METTL15: variants seen among roughly 807,000 people sequenced by gnomAD.
The protein encoded by METTL15 is 12S rRNA N(4)-cytidine methyltransferase METTL15.
Under a neutral mutation model 38.3 loss-of-function variants are expected in METTL15, and 34 were observed. That is an observed-to-expected ratio of 0.89 (90% confidence interval 0.68 to 1.18). The LOEUF (loss-of-function observed/expected upper bound fraction) is 1.18, where lower values mean the gene tolerates loss of function less well. METTL15 is among the 50% of genes most tolerant of loss of function. The pLI is 0.00. For synonymous variants in METTL15, 162 were observed against 170.9 expected (o/e 0.95, Z 0.41); for missense variants, 438 against 498.4 (o/e 0.88, Z 1.15).
At chr11:28,286,550 A>G (rs1312817287) in intron 4 of METTL15, among the ~76,000 whole-genome samples, 2 of 152,130 alleles carry the variant, frequency 1.3e-5, no homozygotes, top group Admixed American at 6.6e-5. Context: ...TAGGTTTTCA[A>G]CTTGCTTGAC....
chr11:28,453,481 T>TA (rs897471916), intron 6 of METTL15, among the ~76,000 whole-genome samples: 17 of 152,324 alleles, frequency 1.1e-4, no homozygotes, highest in African/African-American at 3.1e-4. Context: ...GATAATGTGT[T>TA]AAAAAAATCT....
chr11:28,342,170 C>T (rs887358814), intron 3 of METTL15, among the ~76,000 whole-genome samples: 2 of 152,202 alleles, frequency 1.3e-5, no homozygotes, highest in Non-Finnish European at 2.9e-5. Context: ...TCACATTCTT[C>T]ATCCCAGTTG....
intron 5 of METTL15, among the ~76,000 whole-genome samples, chr11:28,367,674 C>G (rs565532246): frequency 3.9e-4 from 59 of 152,240 alleles, no homozygotes; most frequent in African/African-American, 1.2e-3. Context: ...AAGTTGGAGG[C>G]ATCGTGCTAC....
intron 5 of METTL15, among the ~76,000 whole-genome samples, chr11:28,391,257 C>G (rs1404083122): frequency 1.3e-5 from 2 of 152,200 alleles, no homozygotes; most frequent in South Asian, 2.1e-4. Context: ...CCAGAACTTC[C>G]CACACTATAT....
chr11:28,475,592 A>G (rs1482057075), intron 6 of METTL15, among the ~76,000 whole-genome samples: 3 of 152,174 alleles, frequency 2.0e-5, no homozygotes, highest in Admixed American at 1.3e-4. Context: ...TACAGGGTGT[A>G]TTCACTCTTC....
At chr11:28,114,731 T>C (rs987310908) in intron 3 of METTL15, among the ~76,000 whole-genome samples, 1 of 152,106 alleles carries the variant, frequency 6.6e-6, no homozygotes, top group Non-Finnish European at 1.5e-5. Flanking sequence ...GATTACAGGC[T>C]TGAGCCACCA....
intron 6 of METTL15, among the ~76,000 whole-genome samples, chr11:28,495,290 G>A (rs533791462): frequency 1.9e-4 from 29 of 152,280 alleles, no homozygotes; most frequent in African/African-American, 6.7e-4. Flanking sequence ...TGCAAAAGAG[G>A]CAACAACTCA....
At chr11:28,500,008 ATTT>A (rs11325215) in intron 6 of METTL15, among the ~76,000 whole-genome samples, 2 of 145,066 alleles carry the variant, frequency 1.4e-5, no homozygotes, top group African/African-American at 2.5e-5. Context: ...TGGAATTGCT[ATTT>A]TTTTTTTTTT....
At chr11:28,433,548 C>T (rs1451934380) in intron 6 of METTL15, among the ~76,000 whole-genome samples, 2 of 152,024 alleles carry the variant, frequency 1.3e-5, no homozygotes, top group Non-Finnish European at 2.9e-5. Context: ...GTAAACAAGA[C>T]AATTAATGAA....
Position 28,296,901 on chromosome 11 carries a change from A to G in METTL15, c.748A>G (p.Arg250Gly), listed in dbSNP as rs1422794664. 2 of 1,613,566 alleles carry G rather than the reference A, an allele frequency of 1.2e-6. No homozygotes were observed. Among genetic ancestry groups the G allele is most frequent in the Admixed American group, 1.7e-5 (1 of 59,906 alleles). ...VQARSIYPIT[R>G]TQQLASIVAG... is the part of the protein sequence containing the mutation. Reference sequence around the variant, plus strand: ...GGCACGCAGCATCTACCCCATCACCAGAACCCAGCAGCTTGCCAGCATCGT... The same window carrying G: ...GGCACGCAGCATCTACCCCATCACCGGAACCCAGCAGCTTGCCAGCATCGT... Residue 250 changes from arginine to glycine, a missense_variant, in exon 6 of 7, where the codon AGA (arginine) becomes GGA (glycine). Arg to Gly is a moderately radical substitution (Grantham distance 125, BLOSUM62 -2). Coordinates refer to ENST00000407364, the MANE Select transcript of METTL15 (RefSeq NM_001113528.2).
At chr11:28,472,426 C>T (rs946162386) in intron 6 of METTL15, among the ~76,000 whole-genome samples, 1 of 152,112 alleles carries the variant, frequency 6.6e-6, no homozygotes, top group Admixed American at 6.6e-5. Context: ...GGGCATGCTG[C>T]ATCAGGTATT....
intron 4 of METTL15, among the ~76,000 whole-genome samples, chr11:28,288,587 G>A (rs569398442): frequency 3.3e-5 from 5 of 152,142 alleles, no homozygotes; most frequent in South Asian, 2.1e-4. Flanking sequence ...CCACATGCTC[G>A]TGGTTATAAG....
intron 3 of METTL15, among the ~76,000 whole-genome samples, chr11:28,129,735 T>G (rs540096973): frequency 6.6e-6 from 1 of 152,298 alleles, no homozygotes; most frequent in South Asian, 2.1e-4. Flanking sequence ...TTAAATATGC[T>G]ATAAAAGAAC....
chr11:28,218,827 TTG>T (rs1281616260), intron 4 of METTL15, among the ~76,000 whole-genome samples: 5 of 152,180 alleles, frequency 3.3e-5, no homozygotes, highest in Non-Finnish European at 7.3e-5. Context: ...CATGTGGTTT[TTG>T]TCGTTGGTTC....
At chr11:28,264,888 G>C (rs1855350398) in intron 4 of METTL15, among the ~76,000 whole-genome samples, 1 of 152,132 alleles carries the variant, frequency 6.6e-6, no homozygotes, top group Admixed American at 6.5e-5. Context: ...AATGCTGACT[G>C]TAGAAAGATA....
chr11:28,318,238 C>T (rs770168725), intron 6 of METTL15, among the ~76,000 whole-genome samples: 9 of 152,112 alleles, frequency 5.9e-5, no homozygotes, highest in Non-Finnish European at 8.8e-5. Flanking sequence ...TTTTCTTTGC[C>T]ACCTGCTGTG....
rs184414636 is a variant in METTL15 at position 28,191,682 on chromosome 11, G to A, written c.271-19380G>A. On this transcript the variant is annotated intron_variant, in intron 3 of 6. Transcript: ENST00000407364. ...TATTATGGATGAGTTCTTTTGGCAC[G>A]GAAATATTTTAAGAAGTAACCAAAA... Among the ~76,000 whole-genome samples, 21 of 151,424 alleles carry A rather than the reference G, an allele frequency of 1.4e-4. 1 individual carries two copies. The Middle Eastern group carries it at 0.01, about 74-fold the overall frequency.
intron 6 of METTL15, among the ~76,000 whole-genome samples, chr11:28,310,905 CTGCTGCTGCTGG>C (rs1199472131): frequency 1.0e-4 from 9 of 86,154 alleles, no homozygotes; most frequent in Non-Finnish European, 1.5e-4. Context: ...GCTGCTGCTG[CTGCTGCTGCTGG>C]TGGTGGTGGT....
At chr11:28,240,676 G>A (rs908913227) in intron 4 of METTL15, among the ~76,000 whole-genome samples, 10 of 152,128 alleles carry the variant, frequency 6.6e-5, no homozygotes, top group African/African-American at 2.2e-4. Flanking sequence ...TGATTGATCT[G>A]CATTGATGTA....
Sources: allele counts gnomAD v4.1 joint callset (sites outside exome capture counted in the v4.1 genomes callset), GRCh38; gene constraint gnomAD v4.1.1; transcripts MANE v1.5; gene names NCBI Gene and HGNC (gene_info 2026-07-23, HGNC 2026-07-21).